The following CXADR variants were observed in gnomAD, a reference collection of about 807,000 sequenced individuals.
The protein encoded by CXADR is CXADR cell adhesion molecule, also known as coxsackievirus and adenovirus receptor.
A neutral mutation model predicts 40.3 loss-of-function variants in CXADR; 20 were observed. That is an observed-to-expected ratio of 0.50 (90% CI 0.35 to 0.72). The LOEUF is 0.72. Among genes scored for constraint, CXADR ranks in the 30% least tolerant of loss-of-function variants. The pLI is 0.01. For missense variants in CXADR, 332 were observed against 449.1 expected (o/e 0.74, Z 2.36); for synonymous variants, 150 against 161.3 (o/e 0.93, Z 0.53).
chr21:17,524,136 C>A (rs917320834), intron 1 of CXADR, among the ~76,000 whole-genome samples: 1 of 151,522 alleles, frequency 6.6e-6, no homozygotes. Context: ...TCAGGTGATC[C>A]ACCCACCTCA....
At chr21:17,584,607 G>A (rs1037002684) in intron 7 of CXADR, among the ~76,000 whole-genome samples, 3 of 152,290 alleles carry the variant, frequency 2.0e-5, no homozygotes, top group Non-Finnish European at 2.9e-5. Context: ...CGAGGAGGGC[G>A]GATCACGAGG....
intron 7 of CXADR, among the ~76,000 whole-genome samples, chr21:17,586,204 A>G (rs1187577492): frequency 1.3e-5 from 2 of 151,662 alleles, no homozygotes; most frequent in Non-Finnish European, 2.9e-5. Context: ...TTCTTTATTG[A>G]TTTGGCCTTA....
intron 1 of CXADR, among the ~76,000 whole-genome samples, chr21:17,526,962 C>G (rs1237867394): frequency 6.6e-6 from 1 of 152,120 alleles, no homozygotes; most frequent in Non-Finnish European, 1.5e-5. Flanking sequence ...TGGAGTGATA[C>G]ATATTATTCT....
chr21:17,535,539 C>G (rs1024590599), intron 1 of CXADR, among the ~76,000 whole-genome samples: 1 of 152,058 alleles, frequency 6.6e-6, no homozygotes, highest in Non-Finnish European at 1.5e-5. Flanking sequence ...GATTCGAATT[C>G]AGCATTCACA....
chr21:17,515,668 C>T (rs1363354241), intron 1 of CXADR, among the ~76,000 whole-genome samples: 1 of 151,986 alleles, frequency 6.6e-6, no homozygotes, highest in Non-Finnish European at 1.5e-5. Flanking sequence ...AAAAATTAGC[C>T]GAGCCTGGTG....
At chr21:17,555,399 A>G (rs1431830259) in intron 3 of CXADR, among the ~76,000 whole-genome samples, 1 of 152,192 alleles carries the variant, frequency 6.6e-6, no homozygotes, top group African/African-American at 2.4e-5. Flanking sequence ...TTTTAGTTTT[A>G]TGGAAAAGTT....
rs1033577673 is a variant in CXADR at position 17,569,403 on chromosome 21, C to T, written c.*3711C>T. 4.1e-6 allele frequency: 4 copies of T among 984,470 alleles called. No individual in the cohort carries two copies. Among genetic ancestry groups the T allele is most frequent in the Non-Finnish European group, 4.8e-6 (4 of 829,652 alleles). The allele number at this position is 984,470 out of a possible 1,614,324, so 61.0% of individuals were successfully genotyped here. A position where few individuals can be genotyped will look rare whatever the true frequency, so the allele number is the denominator to read the frequency against. ...ATGTACATATATCTTTATAACATTC[C>T]TGTGTTTAGTAGTGTAAATGTTCTG... On this transcript the variant is annotated 3_prime_UTR_variant, in exon 7 of 7. Coordinates refer to ENST00000284878, the MANE Select transcript of CXADR (RefSeq NM_001338.5).
chr21:17,593,540 G>C, exon 8 of CXADR: 1 of 176,372 alleles, frequency 5.7e-6, no homozygotes, highest in Non-Finnish European at 1.2e-5. Context: ...ATTTTTCAAA[G>C]GAAATTTTAA....
At chr21:17,619,120 T>C in the CXADR span, among the ~76,000 whole-genome samples, 1 of 152,218 alleles carries the variant, frequency 6.6e-6, no homozygotes, top group Non-Finnish European at 1.5e-5. Flanking sequence ...TTCTAGAACA[T>C]AAGCAGAGAA....
chr21:17,524,556 A>G (rs1299036286), intron 1 of CXADR, among the ~76,000 whole-genome samples: 1 of 120,288 alleles, frequency 8.3e-6, no homozygotes, highest in Non-Finnish European at 1.6e-5. Context: ...AGCCTGGGCA[A>G]CAGAGCAAGA....
intron 3 of CXADR, 93 bp from the exon 4 acceptor site, chr21:17,558,883 A>C (rs2061070084): frequency 1.2e-5 from 15 of 1,302,888 alleles, no homozygotes; most frequent in Non-Finnish European, 1.5e-5. Flanking sequence ...CCCAGAACCA[A>C]CTGATAATGA....
At chr21:17,523,382 A>G (rs1444456210) in intron 1 of CXADR, among the ~76,000 whole-genome samples, 3 of 152,168 alleles carry the variant, frequency 2.0e-5, no homozygotes, top group Non-Finnish European at 4.4e-5. Context: ...TAGGTACCTC[A>G]TGGAAGAGGT....
intron 5 of CXADR, 71 bp downstream of exon 5, chr21:17,560,895 C>G (rs950155217): frequency 5.7e-6 from 9 of 1,584,884 alleles, no homozygotes; most frequent in Non-Finnish European, 6.9e-6. Context: ...GTTCAGTCAG[C>G]AAGTGTGTAT....
chr21:17,583,475 T>G lies in CXADR; in HGVS notation c.1018-9677T>G, dbSNP rs554391303. On this transcript the variant is annotated intron_variant, in intron 7 of 7. Transcript: ENST00000400169. ...TTTTAAGAGATTAACTTGGGGTGGT[T>G]GTTTTTCAGATTTTCTCCAACATAT... Among the ~76,000 whole-genome samples the G allele has an allele frequency of 1.1e-3, 170 of 152,340 alleles. 1 individual carries two copies. The highest frequency in any genetic ancestry group is 3.5e-3 in the African/African-American group (144 of 41,586).
intron 1 of CXADR, among the ~76,000 whole-genome samples, chr21:17,514,565 GAAA>G (rs11289742): frequency 0.034 from 4,811 of 142,446 alleles, 281 homozygotes; most frequent in African/African-American, 0.12. Flanking sequence ...TGTTCTCTGG[GAAA>G]AAAAAAAAAA....
At chr21:17,583,004 G>A (rs1396835290) in intron 7 of CXADR, among the ~76,000 whole-genome samples, 1 of 152,186 alleles carries the variant, frequency 6.6e-6, no homozygotes, top group African/African-American at 2.4e-5. Context: ...TGGGAGGAGA[G>A]AACGTGATAG....
chr21:17,588,330 G>A (rs931945269), intron 7 of CXADR, among the ~76,000 whole-genome samples: 6 of 152,176 alleles, frequency 3.9e-5, no homozygotes, highest in African/African-American at 1.2e-4. Flanking sequence ...TGGGCAGTAT[G>A]GCCATTTTCA....
downstream of CXADR, among the ~76,000 whole-genome samples, chr21:17,596,741 A>T (rs149816923): frequency 1.4e-4 from 22 of 152,124 alleles, no homozygotes; most frequent in African/African-American, 3.6e-4. Flanking sequence ...CCTTTTTTAA[A>T]ATTTTGAATC....
At chr21:17,594,708 G>A (rs1012727772), downstream of CXADR, among the ~76,000 whole-genome samples, 4 of 152,040 alleles carry the variant, frequency 2.6e-5, no homozygotes, top group Admixed American at 6.6e-5. Context: ...AAACATTGGA[G>A]CTGGAGGCCA....
Sources: allele counts gnomAD v4.1 joint callset (sites outside exome capture counted in the v4.1 genomes callset), GRCh38; gene constraint gnomAD v4.1.1; transcripts MANE v1.5; gene names NCBI Gene and HGNC (gene_info 2026-07-23, HGNC 2026-07-21).